ENTPD1: variants seen among roughly 807,000 people sequenced by gnomAD.
ENTPD1 encodes the protein ectonucleoside triphosphate diphosphohydrolase 1.
Under a neutral mutation model 57.0 loss-of-function variants are expected in ENTPD1, and 33 were observed. The observed-to-expected ratio is 0.58, with a 90% CI of 0.44 to 0.77. ENTPD1 has a LOEUF of 0.77. ENTPD1 is among the 30% of genes least tolerant of loss of function. The pLI, the probability that ENTPD1 is intolerant of heterozygous loss-of-function variation, is 0.00. For missense variants in ENTPD1, 501 were observed against 603.4 expected (o/e 0.83, Z 1.78); for synonymous variants, 202 against 218.8 (o/e 0.92, Z 0.68).
intron 1 of ENTPD1, among the ~76,000 whole-genome samples, chr10:95,734,820 C>T (rs925940697): frequency 2.0e-5 from 3 of 152,180 alleles, no homozygotes; most frequent in Non-Finnish European, 2.9e-5. Flanking sequence ...AGTGTCAAGG[C>T]ATCATGGCAC....
At chr10:95,756,630 C>T (rs2098026326) in intron 1 of ENTPD1, 1 of 215,166 alleles carries the variant, frequency 4.6e-6, no homozygotes, top group Non-Finnish European at 9.3e-6. Context: ...AGGGTGTTTG[C>T]TTGAAGATGC....
At chr10:95,695,134 C>T in the ENTPD1 span, among the ~76,000 whole-genome samples, 2 of 152,014 alleles carry the variant, frequency 1.3e-5, no homozygotes, top group Non-Finnish European at 1.5e-5. Flanking sequence ...GAATTCCTGA[C>T]CTCAAGTGAC....
At chr10:95,836,107 T>C (rs2098408975) in intron 2 of ENTPD1, among the ~76,000 whole-genome samples, 1 of 152,240 alleles carries the variant, frequency 6.6e-6, no homozygotes, top group Admixed American at 6.5e-5. Context: ...TTTATTTTTG[T>C]CAGCTTTGTC....
At chr10:95,844,108 T>C (rs1437373406) in intron 4 of ENTPD1, among the ~76,000 whole-genome samples, 1 of 152,126 alleles carries the variant, frequency 6.6e-6, no homozygotes, top group Non-Finnish European at 1.5e-5. Context: ...GTGGTTAATA[T>C]AGCACACATC....
chr10:95,872,965 T>C lies in ENTPD1; in HGVS notation c.*6582T>C. On this transcript the variant is annotated 3_prime_UTR_variant, in exon 10 of 10. Coordinates refer to ENST00000371205, the MANE Select transcript of ENTPD1 (RefSeq NM_001776.6). ...CATTGTACACATTATTAAAACAGAA[T>C]TTTAAGGATTAGAATGAACCTTAAA... The C allele has an allele frequency of 1.0e-6, 1 of 985,442 alleles. No homozygotes were observed. Among genetic ancestry groups the C allele is most frequent in the Non-Finnish European group, 1.2e-6 (1 of 829,924 alleles). 61.0% of individuals were successfully genotyped at this position (985,442 alleles called of 1,614,324 possible). A position where few individuals can be genotyped will look rare whatever the true frequency, so the allele number is the denominator to read the frequency against.
At chr10:95,842,605 C>A (rs2098424862) in intron 4 of ENTPD1, 111 bp downstream of exon 4, 1 of 1,222,062 alleles carries the variant, frequency 8.2e-7, no homozygotes, top group Non-Finnish European at 1.1e-6. Context: ...GTTCTACACA[C>A]CCAAGTCCAT....
intron 1 of ENTPD1, among the ~76,000 whole-genome samples, chr10:95,794,806 G>A (rs1421261603): frequency 6.6e-6 from 1 of 152,098 alleles, no homozygotes; most frequent in Non-Finnish European, 1.5e-5. Flanking sequence ...AGGATGGGAA[G>A]GGAATGTTCT....
At chr10:95,714,760 CAG>C (rs1018409901) in intron 1 of ENTPD1, among the ~76,000 whole-genome samples, 5 of 151,980 alleles carry the variant, frequency 3.3e-5, no homozygotes, top group Non-Finnish European at 7.4e-5. Flanking sequence ...GTTTTTCAAA[CAG>C]AATTTCAAAA....
intron 3 of ENTPD1, 120 bp from the exon 4 acceptor site, chr10:95,842,224 G>A: frequency 2.3e-6 from 2 of 879,730 alleles, no homozygotes; most frequent in South Asian, 3.2e-5. Context: ...CTAATGTATA[G>A]TACATCAGGA....
chr10:95,834,565 C>G (rs1566212621), intron 2 of ENTPD1, among the ~76,000 whole-genome samples: 1 of 152,112 alleles, frequency 6.6e-6, no homozygotes, highest in Non-Finnish European at 1.5e-5. Flanking sequence ...TTCTGTGGAG[C>G]CAGGAAGCAG....
the ENTPD1 span, among the ~76,000 whole-genome samples, chr10:95,701,847 A>G: frequency 1.3e-5 from 2 of 152,158 alleles, no homozygotes; most frequent in African/African-American, 4.8e-5. Flanking sequence ...TTAAAAGAAA[A>G]TAAACACAAA....
At chr10:95,703,404 A>G in the ENTPD1 span, among the ~76,000 whole-genome samples, 2 of 152,258 alleles carry the variant, frequency 1.3e-5, no homozygotes, top group African/African-American at 4.8e-5. Context: ...TATAGCCATA[A>G]TAAAGTAAAA....
In ENTPD1 at chr10:95,860,500, T is replaced by A. The variant is rs1333997057; in HGVS notation, c.1106T>A (p.Phe369Tyr). 13 of 1,613,744 alleles carry A rather than the reference T, an allele frequency of 8.1e-6. No homozygotes were observed. The highest frequency in any genetic ancestry group is 1.1e-5 in the Non-Finnish European group (13 of 1,179,828). Residue 369 changes from phenylalanine (F) to tyrosine (Y), a missense_variant, in exon 8 of 10, where the codon TTT (phenylalanine) becomes TAT (tyrosine). Physicochemically the swap from Phe to Tyr is conservative, Grantham distance 22. Transcript: ENST00000371205. ...TCAGCTTTTTACTTTGTGATGAAGT[T>A]TTTAAACTTGACATCAGAGAAAGTC... ...AFSAFYFVMK[F>Y]LNLTSEKVSQ...
chr10:95,867,924 CT>C lies in ENTPD1; in HGVS notation c.*1545del, dbSNP rs2098476186. On this transcript the variant is annotated 3_prime_UTR_variant, in exon 10 of 10. Transcript: ENST00000371205. ...GCTGTGGAAAGGAACTCTTAATCTT[CT>C]TTTCTGCTACTTAGGTTAAATTCAC... 2 of 985,336 alleles carry C rather than the reference CT, an allele frequency of 2.0e-6. No individual in the cohort carries two copies. Among genetic ancestry groups the C allele is most frequent in the Admixed American group, 6.1e-5 (1 of 16,264 alleles). 61.0% of individuals were successfully genotyped at this position (985,336 alleles called of 1,614,324 possible).
chr10:95,862,750 T>A (rs570988816), intron 8 of ENTPD1, among the ~76,000 whole-genome samples: 2 of 152,300 alleles, frequency 1.3e-5, no homozygotes, highest in African/African-American at 4.8e-5. Flanking sequence ...CAAGATCTGG[T>A]CAGCCCAAGT....
intron 1 of ENTPD1, among the ~76,000 whole-genome samples, chr10:95,730,134 T>A (rs2097987694): frequency 6.6e-6 from 1 of 152,114 alleles, no homozygotes; most frequent in Non-Finnish European, 1.5e-5. Flanking sequence ...TCTCCCAGGC[T>A]CAAGTGATCT....
At position 95,866,237 on chromosome 10, in the gene ENTPD1, C is replaced by T. The variant is rs1195301450; in HGVS notation, c.1387C>T (p.Pro463Ser). Residue 463 changes from proline (P) to serine (S), a missense_variant, in exon 10 of 10, where the codon CCA becomes TCA. Coordinates refer to ENST00000371205, the MANE Select transcript of ENTPD1 (RefSeq NM_001776.6). The part of the protein sequence containing the change: ...GYMLNLTNMI[P>S]AEQPLSTPLS... ...CATGCTGAACCTGACCAACATGATC[C>T]CAGCTGAGCAACCATTGTCCACACC... is the stretch of plus-strand genomic sequence containing the variant. 2 of 1,614,106 alleles carry T rather than the reference C, an allele frequency of 1.2e-6. No individual in the cohort carries two copies. Among genetic ancestry groups the T allele is most frequent in the South Asian group, 2.2e-5 (2 of 91,076 alleles).
chr10:95,753,257 A>C (rs1336739756), upstream of ENTPD1: 1 of 152,220 alleles, frequency 6.6e-6, no homozygotes, highest in Non-Finnish European at 1.5e-5. Flanking sequence ...CTTTAGAAAG[A>C]TACACACAAA....
chr10:95,802,445 T>C (rs2098253680), intron 1 of ENTPD1, among the ~76,000 whole-genome samples: 1 of 152,112 alleles, frequency 6.6e-6, no homozygotes, highest in Non-Finnish European at 1.5e-5. Flanking sequence ...TTTTGAATGA[T>C]TTATTTCCCA....
Sources: allele counts gnomAD v4.1 joint callset (sites outside exome capture counted in the v4.1 genomes callset), GRCh38; gene constraint gnomAD v4.1.1; transcripts MANE v1.5; gene names NCBI Gene and HGNC (gene_info 2026-07-23, HGNC 2026-07-21).